The following CEP112 variants were observed in gnomAD, a reference collection of about 807,000 sequenced individuals.
The protein encoded by CEP112 is centrosomal protein of 112 kDa.
A neutral mutation model predicts 153.0 loss-of-function variants in CEP112; 127 were observed. The observed-to-expected ratio is 0.83, with a 90% CI of 0.72 to 0.96. CEP112 has a LOEUF of 0.96. CEP112 is among the 40% of genes least tolerant of loss of function. CEP112 has a pLI of 0.00. For synonymous variants in CEP112, 358 were observed against 374.4 expected (o/e 0.96, Z 0.51); for missense variants, 1,089 against 1,101.2 (o/e 0.99, Z 0.16).
intron 24 of CEP112, among the ~76,000 whole-genome samples, chr17:65,642,082 T>C (rs2045170597): frequency 6.6e-6 from 1 of 152,230 alleles, no homozygotes; most frequent in Non-Finnish European, 1.5e-5. Flanking sequence ...AGAATATGCC[T>C]GAGCAGGATG....
chr17:66,103,794 G>A (rs2068664618), intron 6 of CEP112, among the ~76,000 whole-genome samples: 2 of 152,152 alleles, frequency 1.3e-5, no homozygotes, highest in African/African-American at 4.8e-5. Flanking sequence ...TGGCTACATG[G>A]CATGAAGAGA....
At chr17:65,649,931 G>C (rs2045649091) in intron 24 of CEP112, among the ~76,000 whole-genome samples, 2 of 152,036 alleles carry the variant, frequency 1.3e-5, no homozygotes, top group African/African-American at 4.8e-5. Flanking sequence ...TTGGTATGTT[G>C]GTTTTGCTTT....
chr17:66,132,443 C>A (rs1416697227), intron 5 of CEP112, among the ~76,000 whole-genome samples: 2 of 152,086 alleles, frequency 1.3e-5, no homozygotes, highest in African/African-American at 2.4e-5. Flanking sequence ...ACAGGAGAAA[C>A]AACAGATTGA....
chr17:65,640,155 T>TATATATA (rs1491163281), intron 25 of CEP112, among the ~76,000 whole-genome samples: 342 of 24,946 alleles, frequency 0.014, 1 homozygote, highest in African/African-American at 0.06. Context: ...TATATATATA[T>TATATATA]TTTTTTTTTT....
chr17:65,758,540 T>C (rs2052419740), intron 21 of CEP112, among the ~76,000 whole-genome samples: 2 of 152,166 alleles, frequency 1.3e-5, no homozygotes, highest in South Asian at 4.1e-4. Context: ...CTATCATTAA[T>C]GGTGAAGGTT....
chr17:65,892,196 C>T (rs1171896436), intron 20 of CEP112, among the ~76,000 whole-genome samples: 1 of 152,114 alleles, frequency 6.6e-6, no homozygotes, highest in African/African-American at 2.4e-5. Flanking sequence ...GTGTGCATGC[C>T]CAGCCCTAGG....
chr17:66,002,510 A>C (rs1199511854), intron 17 of CEP112, among the ~76,000 whole-genome samples: 1 of 152,180 alleles, frequency 6.6e-6, no homozygotes, highest in Admixed American at 6.5e-5. Context: ...AGAAAGAGAC[A>C]AAACTAGTAG....
intron 17 of CEP112, among the ~76,000 whole-genome samples, chr17:65,971,111 T>C (rs918168420): frequency 6.6e-6 from 1 of 152,308 alleles, no homozygotes; most frequent in Admixed American, 6.5e-5. Context: ...ACATTGCATG[T>C]TCCTTGCGTG....
intron 17 of CEP112, among the ~76,000 whole-genome samples, chr17:65,970,231 T>TGTC: frequency 2.3e-5 from 1 of 43,052 alleles, no homozygotes; most frequent in African/African-American, 6.7e-5. Context: ...ACCATGCATA[T>TGTC]ATGCATGTAT....
intron 19 of CEP112, among the ~76,000 whole-genome samples, chr17:65,922,045 C>G (rs1170079670): frequency 6.6e-6 from 1 of 152,090 alleles, no homozygotes; most frequent in Non-Finnish European, 1.5e-5. Context: ...TTTCATGACT[C>G]TTGGTAGAAT....
At chr17:65,761,039 A>G (rs1236919309) in intron 21 of CEP112, among the ~76,000 whole-genome samples, 1 of 152,110 alleles carries the variant, frequency 6.6e-6, no homozygotes, top group African/African-American at 2.4e-5. Context: ...ATAATTGATC[A>G]TAGTATTTAT....
intron 4 of CEP112, among the ~76,000 whole-genome samples, chr17:66,141,819 T>C (rs2070713385): frequency 1.3e-5 from 2 of 152,236 alleles, no homozygotes; most frequent in Admixed American, 6.5e-5. Context: ...ATCCTGACTA[T>C]TGTGAATAAT....
At chr17:66,133,658 GA>G (rs1192131754) in intron 4 of CEP112, among the ~76,000 whole-genome samples, 1 of 152,068 alleles carries the variant, frequency 6.6e-6, no homozygotes, top group Non-Finnish European at 1.5e-5. Flanking sequence ...CCATGATTAT[GA>G]ACACCTATTC....
chr17:65,713,820 C>A (rs1175214473), intron 23 of CEP112, among the ~76,000 whole-genome samples: 2 of 152,024 alleles, frequency 1.3e-5, no homozygotes, highest in Non-Finnish European at 2.9e-5. Context: ...GATCTCCTGA[C>A]CTCGTGATCC....
chr17:66,130,352 T>A (rs2070081911), intron 5 of CEP112, among the ~76,000 whole-genome samples: 1 of 152,182 alleles, frequency 6.6e-6, no homozygotes, highest in Non-Finnish European at 1.5e-5. Context: ...CGTGAAAAGA[T>A]GAATTATTCT....
In CEP112 at chr17:65,674,604, G is replaced by C. The variant is rs146783869; in HGVS notation, c.2697+14525C>G. Among the ~76,000 whole-genome samples the C allele has an allele frequency of 4.1e-3, 625 of 152,290 alleles. 9 individuals carry two copies. The highest frequency in any genetic ancestry group is 0.014 in the African/African-American group (600 of 41,570). On this transcript the variant is annotated intron_variant, in intron 24 of 26. Transcript: ENST00000535342. ...CCAAAGGGCTACACTCTAGGAGTAG[G>C]AGTGAATTGGAAATAAACCAGCTCT... is the stretch of plus-strand genomic sequence containing the variant.
At chr17:66,013,765 G>A (rs1190522702) in intron 16 of CEP112, among the ~76,000 whole-genome samples, 3 of 151,862 alleles carry the variant, frequency 2.0e-5, no homozygotes, top group South Asian at 2.1e-4. Context: ...GGGGTGGGGC[G>A]CTGGCAGACC....
intron 21 of CEP112, among the ~76,000 whole-genome samples, chr17:65,793,723 A>C (rs1006631265): frequency 1.3e-5 from 2 of 152,192 alleles, no homozygotes; most frequent in African/African-American, 4.8e-5. Context: ...ATTGAGATAA[A>C]TCTGTACCCT....
intron 4 of CEP112, among the ~76,000 whole-genome samples, chr17:66,162,960 A>T (rs2071776492): frequency 6.6e-6 from 1 of 152,182 alleles, no homozygotes; most frequent in African/African-American, 2.4e-5. Flanking sequence ...ATTAACATGG[A>T]TAAATCTGAA....
Sources: gnomAD v4.1 joint callset for allele counts (sites outside exome capture counted in the v4.1 genomes callset) on GRCh38, gnomAD v4.1.1 for gene constraint, MANE v1.5 for transcripts, NCBI Gene and HGNC (gene_info 2026-07-23, HGNC 2026-07-21) for gene names.